Variants in KCNK1 observed in about 807,000 individuals in gnomAD.
KCNK1 encodes potassium channel subfamily K member 1.
A neutral mutation model predicts 22.2 loss-of-function variants in KCNK1; 10 were observed. The ratio of observed to expected loss-of-function variants is 0.45; its 90% CI spans 0.28 to 0.76. KCNK1 has a LOEUF of 0.76. Ranked by LOEUF, KCNK1 falls within the 30% of genes least tolerant of loss-of-function variation. KCNK1 has a pLI of 0.14. For missense variants in KCNK1, 378 were observed against 421.0 expected (o/e 0.90, Z 0.89); for synonymous variants, 200 against 186.4 (o/e 1.07, Z -0.60).
chr1:233,623,226 A>C (rs1015425863), intron 1 of KCNK1, among the ~76,000 whole-genome samples: 132 of 152,316 alleles, frequency 8.7e-4, no homozygotes, highest in African/African-American at 3.2e-3. Flanking sequence ...AGCAAGAAAA[A>C]AAAAAGGTTG....
chr1:233,624,944 C>T lies in KCNK1; in HGVS notation c.355+10418C>T, dbSNP rs191808313. Among the ~76,000 whole-genome samples the T allele has an allele frequency of 1.2e-4, 19 of 152,242 alleles. No homozygotes were observed. The East Asian group carries it at 1.7e-3, about 14-fold the overall frequency. On this transcript the variant is annotated intron_variant, in intron 1 of 2. Transcript: ENST00000366621. Reference sequence around the variant, plus strand: ...TGGATGTGTCAGTCTGGGTTGGGATCGGAGATACAATTGTAGGGGCCAAGA... The same window carrying T: ...TGGATGTGTCAGTCTGGGTTGGGATTGGAGATACAATTGTAGGGGCCAAGA...
rs1394163426 is a variant in KCNK1 at position 233,644,941 on chromosome 1, T to C, written c.356-21654T>C. Among the ~76,000 whole-genome samples the C allele has an allele frequency of 3.3e-5, 5 of 152,172 alleles. No homozygotes were observed. The South Asian group carries it at 8.3e-4, about 25-fold the overall frequency. On this transcript the variant is annotated intron_variant, in intron 1 of 2. Transcript: ENST00000366621. ...TGGGTGAGGTGGCTCACATCTGTAA[T>C]CCTAGCACTTTGGGAGGCCAAGGCG...
chr1:233,632,637 T>C (rs1201425381), intron 1 of KCNK1, among the ~76,000 whole-genome samples: 1 of 152,176 alleles, frequency 6.6e-6, no homozygotes, highest in Non-Finnish European at 1.5e-5. Context: ...GGTGACCACA[T>C]AGTGTGTGCT....
intron 1 of KCNK1, among the ~76,000 whole-genome samples, chr1:233,625,424 G>A (rs948894076): frequency 6.6e-6 from 1 of 152,150 alleles, no homozygotes; most frequent in Non-Finnish European, 1.5e-5. Context: ...GGGGAAATGG[G>A]GTTCTGGTCT....
chr1:233,668,836 A>C lies in KCNK1; in HGVS notation c.751+1846A>C, dbSNP rs1451078995. Among the ~76,000 whole-genome samples, 5 of 152,112 alleles carry C rather than the reference A, an allele frequency of 3.3e-5. No individual in the cohort carries two copies. The East Asian group carries it at 7.7e-4, about 23-fold the overall frequency. ...TGGCCAGGCTAGTCACGAACTCCTG[A>C]CTTCGTGATCTGCCCGCCTCAGCCT... On this transcript the variant is annotated intron_variant, in intron 2 of 2. Coordinates refer to ENST00000366621, the MANE Select transcript of KCNK1 (RefSeq NM_002245.4).
intron 1 of KCNK1, among the ~76,000 whole-genome samples, chr1:233,652,549 T>C (rs1474813108): frequency 6.6e-6 from 1 of 152,218 alleles, no homozygotes; most frequent in Non-Finnish European, 1.5e-5. Context: ...ACATACCGAA[T>C]GCTTTCCTTT....
In KCNK1 at chr1:233,667,729, CAAA is replaced by C. The variant is rs71170433; in HGVS notation, c.751+760_751+762del. On this transcript the variant is annotated intron_variant, in intron 2 of 2. Coordinates refer to ENST00000366621, the MANE Select transcript of KCNK1 (RefSeq NM_002245.4). ...TGGGCGACAGAGCGAGACTCCGTCT[CAAA>C]AAAAAAAAAAAAAAAAAAAATACAT... Among the ~76,000 whole-genome samples the C allele has an allele frequency of 9.4e-3, 806 of 86,050 alleles. 17 individuals are homozygous for C. The East Asian group carries it at 0.14, about 15-fold the overall frequency. The allele number at this position is 86,050 out of a possible 152,430, so 56.5% of individuals were successfully genotyped here. A position where few individuals can be genotyped will look rare whatever the true frequency, so the allele number is the denominator to read the frequency against.
intron 1 of KCNK1, among the ~76,000 whole-genome samples, chr1:233,662,169 G>C (rs778608794): frequency 6.6e-6 from 1 of 152,162 alleles, no homozygotes; most frequent in Non-Finnish European, 1.5e-5. Flanking sequence ...ACTGATTTCA[G>C]TATCTCTGCT....
chr1:233,633,246 A>G (rs530294742), intron 1 of KCNK1, among the ~76,000 whole-genome samples: 2 of 151,136 alleles, frequency 1.3e-5, no homozygotes, highest in Admixed American at 6.6e-5. Flanking sequence ...TCTGACAGGT[A>G]TGAAATTGTC....
rs888787148 is a variant in KCNK1 at position 233,671,438 on chromosome 1, C to G, written c.919C>G (p.Gln307Glu). The G allele has an allele frequency of 6.2e-7, 1 of 1,614,114 alleles. No individual in the cohort carries two copies. The highest frequency in any genetic ancestry group is 1.1e-5 in the South Asian group (1 of 91,078). Residue 307 changes from glutamine (Q) to glutamate (E), a missense_variant, in exon 3 of 3, where the codon CAG becomes GAG. Transcript: ENST00000366621. ...DQLSFSSITD[Q>E]AAGMKEDQKQ... Reference sequence around the variant, plus strand: ...ACTGTCCTTCTCCTCGATCACAGACCAGGCAGCTGGCATGAAAGAGGACCA... The same window carrying G: ...ACTGTCCTTCTCCTCGATCACAGACGAGGCAGCTGGCATGAAAGAGGACCA...
chr1:233,614,383 C>T lies in KCNK1; in HGVS notation c.212C>T (p.Ser71Phe). The T allele has an allele frequency of 1.9e-6, 3 of 1,611,296 alleles. No homozygotes were observed. Among genetic ancestry groups the T allele is most frequent in the Non-Finnish European group, 2.5e-6 (3 of 1,178,856 alleles). ...TTCTTGGAGGAGCACGAGTGCCTGT[C>T]TGAGCAGCAGCTGGAGCAGTTCCTG... ...RRFLEEHECL[S>F]EQQLEQFLGR... The change falls in exon 1 of 3, where the codon TCT becomes TTT. Residue 71 changes from serine to phenylalanine, a missense_variant. Ser to Phe is a radical substitution (Grantham distance 155). Transcript: ENST00000366621.
At chr1:233,635,120 C>T (rs78852455) in intron 1 of KCNK1, among the ~76,000 whole-genome samples, 47 of 144,972 alleles carry the variant, frequency 3.2e-4, no homozygotes, top group African/African-American at 1.3e-3. Flanking sequence ...TGTTTTTTTT[C>T]TTTTAGAAAC....
At chr1:233,621,082 T>C (rs534413054) in intron 1 of KCNK1, among the ~76,000 whole-genome samples, 8 of 152,360 alleles carry the variant, frequency 5.3e-5, no homozygotes, top group African/African-American at 1.9e-4. Context: ...TGAGCTTTAA[T>C]AGCATCTGGG....
At chr1:233,616,845 C>T (rs938331676) in intron 1 of KCNK1, among the ~76,000 whole-genome samples, 1 of 152,128 alleles carries the variant, frequency 6.6e-6, no homozygotes, top group African/African-American at 2.4e-5. Flanking sequence ...ATCTTTTCTT[C>T]CCTACAAGGG....
At chr1:233,665,668 CAA>C (rs767031558) in intron 1 of KCNK1, among the ~76,000 whole-genome samples, 5 of 147,570 alleles carry the variant, frequency 3.4e-5, no homozygotes, top group African/African-American at 5.0e-5. Context: ...GGTTTTGCAA[CAA>C]AGAGTCTTCA....
At chr1:233,614,885 A>T (rs1415175872) in intron 1 of KCNK1, among the ~76,000 whole-genome samples, 1 of 151,962 alleles carries the variant, frequency 6.6e-6, no homozygotes. Context: ...TTCGCAACCC[A>T]CTAAGCCAAA....
At chr1:233,658,814 A>T (rs1342712795) in intron 1 of KCNK1, among the ~76,000 whole-genome samples, 1 of 152,228 alleles carries the variant, frequency 6.6e-6, no homozygotes, top group Non-Finnish European at 1.5e-5. Context: ...AAGATTTTTT[A>T]AAATGGGACA....
chr1:233,623,757 T>G (rs1657634096), intron 1 of KCNK1, among the ~76,000 whole-genome samples: 1 of 152,130 alleles, frequency 6.6e-6, no homozygotes, highest in African/African-American at 2.4e-5. Flanking sequence ...CCCGGCTAAC[T>G]TTTGTATTTT....
At chr1:233,658,357 G>T (rs1658335957) in intron 1 of KCNK1, among the ~76,000 whole-genome samples, 3 of 152,136 alleles carry the variant, frequency 2.0e-5, no homozygotes, top group Admixed American at 2.0e-4. Flanking sequence ...ATGTATAATA[G>T]AAATTTTAAT....
Sources: allele counts gnomAD v4.1 joint callset (sites outside exome capture counted in the v4.1 genomes callset), GRCh38; gene constraint gnomAD v4.1.1; transcripts MANE v1.5; gene names NCBI Gene and HGNC (gene_info 2026-07-23, HGNC 2026-07-21).